The following CHCHD6 variants were observed in gnomAD, a reference collection of about 807,000 sequenced individuals.
The protein encoded by CHCHD6 is MICOS complex subunit MIC25.
In CHCHD6, 28 loss-of-function variants were observed where a neutral mutation model predicts 32.3. The observed-to-expected ratio is 0.87, with a 90% CI of 0.64 to 1.19. The LOEUF (loss-of-function observed/expected upper bound fraction) is 1.19, where lower values mean the gene tolerates loss of function less well. Ranked by LOEUF, CHCHD6 falls within the 50% of genes most tolerant of loss-of-function variation. The probability of loss-of-function intolerance (pLI) is 0.00; values close to 1 mark genes in which losing one functional copy is unlikely to be tolerated. For missense variants in CHCHD6, 333 were observed against 307.0 expected (o/e 1.08, Z -0.63); for synonymous variants, 122 against 117.5 (o/e 1.04, Z -0.25).
intron 5 of CHCHD6, among the ~76,000 whole-genome samples, chr3:126,863,285 TCATCACCACCTCCTCCTCCTCCTCCTC>T (rs1942030176): frequency 2.6e-5 from 1 of 39,138 alleles, no homozygotes; most frequent in Non-Finnish European, 5.3e-5. Context: ...TCCTCCACCA[TCATCACCACCTCCTCCTCCTCCTCCTC>T]CATCACCACC....
intron 6 of CHCHD6, among the ~76,000 whole-genome samples, chr3:126,924,628 T>C (rs1260272562): frequency 1.5e-4 from 23 of 152,234 alleles, no homozygotes; most frequent in Admixed American, 1.5e-3. Flanking sequence ...GTGTGCTGTT[T>C]GCCAGTCAGG....
intron 4 of CHCHD6, among the ~76,000 whole-genome samples, chr3:126,785,935 G>C (rs1195869836): frequency 1.3e-5 from 2 of 152,126 alleles, no homozygotes; most frequent in African/African-American, 4.8e-5. Flanking sequence ...CCATAAACTT[G>C]TCATTTACAT....
intron 6 of CHCHD6, among the ~76,000 whole-genome samples, chr3:126,931,025 GC>G (rs1338608976): frequency 2.0e-5 from 3 of 152,332 alleles, no homozygotes; most frequent in Admixed American, 6.5e-5. Flanking sequence ...CCCTACTGCT[GC>G]CCAGACTGGC....
At chr3:126,922,494 T>C (rs1255254587) in intron 6 of CHCHD6, among the ~76,000 whole-genome samples, 1 of 152,190 alleles carries the variant, frequency 6.6e-6, no homozygotes, top group Non-Finnish European at 1.5e-5. Context: ...TACCTTGCTC[T>C]TTTCTGCTGT....
At chr3:126,914,613 T>A (rs1364554056) in intron 5 of CHCHD6, 67 bp from the exon 6 acceptor site, 1 of 859,864 alleles carries the variant, frequency 1.2e-6, no homozygotes, top group Non-Finnish European at 2.0e-6. Context: ...CTAATGTGGT[T>A]GCATCCCATT....
chr3:126,710,270 C>T (rs548112242), intron 1 of CHCHD6, among the ~76,000 whole-genome samples: 1 of 152,298 alleles, frequency 6.6e-6, no homozygotes, highest in East Asian at 1.9e-4. Flanking sequence ...GGGTTTATTT[C>T]TGGACTCTCA....
intron 4 of CHCHD6, among the ~76,000 whole-genome samples, chr3:126,803,361 TGGAG>T (rs1373697344): frequency 6.6e-6 from 1 of 151,932 alleles, no homozygotes; most frequent in Non-Finnish European, 1.5e-5. Context: ...AATAAAGGGA[TGGAG>T]GAAGATCTAC....
At chr3:126,762,851 A>G (rs965904443) in intron 4 of CHCHD6, among the ~76,000 whole-genome samples, 4 of 152,084 alleles carry the variant, frequency 2.6e-5, no homozygotes, top group Admixed American at 2.6e-4. Context: ...TTGTACTTAA[A>G]GTCTACTTTA....
chr3:126,955,346 GC>G (rs2078768513), intron 6 of CHCHD6, among the ~76,000 whole-genome samples: 1 of 152,242 alleles, frequency 6.6e-6, no homozygotes, highest in African/African-American at 2.4e-5. Context: ...CATCTGCCCT[GC>G]ATATGTAAGA....
At chr3:126,726,667 G>A (rs774040425) in intron 1 of CHCHD6, among the ~76,000 whole-genome samples, 2 of 152,190 alleles carry the variant, frequency 1.3e-5, no homozygotes, top group African/African-American at 2.4e-5. Flanking sequence ...AGGGGACATT[G>A]AGATACCTCC....
At chr3:126,852,994 G>A (rs1014841940) in intron 5 of CHCHD6, among the ~76,000 whole-genome samples, 2 of 152,164 alleles carry the variant, frequency 1.3e-5, no homozygotes, top group East Asian at 1.9e-4. Flanking sequence ...CTGGCTCTAC[G>A]GTAGTTCAAT....
chr3:126,857,819 T>G (rs1201359177), intron 5 of CHCHD6, among the ~76,000 whole-genome samples: 1 of 152,234 alleles, frequency 6.6e-6, no homozygotes, highest in African/African-American at 2.4e-5. Context: ...CTGGCAAGGA[T>G]GTGGTTTAAC....
intron 4 of CHCHD6, chr3:126,766,963 AC>A: frequency 1.0e-6 from 1 of 971,508 alleles, no homozygotes; most frequent in Non-Finnish European, 1.6e-6. Flanking sequence ...GGAGTCCAGG[AC>A]CAGTGTGTGG....
At chr3:126,793,268 G>A (rs776651432) in intron 4 of CHCHD6, among the ~76,000 whole-genome samples, 8 of 151,984 alleles carry the variant, frequency 5.3e-5, no homozygotes, top group African/African-American at 1.7e-4. Flanking sequence ...TTTGTTTTCT[G>A]TATGCTTCTA....
chr3:126,751,495 C>A (rs1936716490), intron 4 of CHCHD6, among the ~76,000 whole-genome samples: 1 of 133,904 alleles, frequency 7.5e-6, no homozygotes. Context: ...CAGAGTGAGA[C>A]CCTGTCTCAA....
At chr3:126,868,447 TAA>T (rs201326084) in intron 5 of CHCHD6, among the ~76,000 whole-genome samples, 1 of 146,910 alleles carries the variant, frequency 6.8e-6, no homozygotes, top group African/African-American at 2.5e-5. Context: ...CTTTTTTTTT[TAA>T]AAAAAAAAAA....
At chr3:126,797,666 A>G (rs1938858495) in intron 4 of CHCHD6, among the ~76,000 whole-genome samples, 1 of 152,224 alleles carries the variant, frequency 6.6e-6, no homozygotes, top group Non-Finnish European at 1.5e-5. Flanking sequence ...AAAATCCCCC[A>G]AAGTGTTTAA....
At chr3:126,773,354 A>C (rs1412734691) in intron 4 of CHCHD6, among the ~76,000 whole-genome samples, 1 of 152,176 alleles carries the variant, frequency 6.6e-6, no homozygotes, top group Non-Finnish European at 1.5e-5. Context: ...GTTAGAACAG[A>C]TGCACACAAT....
chr3:126,835,418 C>T (rs540460849), intron 4 of CHCHD6, among the ~76,000 whole-genome samples: 36 of 152,302 alleles, frequency 2.4e-4, no homozygotes, highest in Admixed American at 1.2e-3. Flanking sequence ...CACGGCTCTC[C>T]AGAGAACCTT....
Sources: gnomAD v4.1 joint callset for allele counts (sites outside exome capture counted in the v4.1 genomes callset) on GRCh38, gnomAD v4.1.1 for gene constraint, MANE v1.5 for transcripts, NCBI Gene and HGNC (gene_info 2026-07-23, HGNC 2026-07-21) for gene names.